The following ADAMTSL1 variants were observed in gnomAD, a reference collection of about 807,000 sequenced individuals.
ADAMTSL1 encodes the protein ADAMTS like 1.
ADAMTSL1 carries 126 observed loss-of-function variants against 201.8 expected under a neutral mutation model. The observed-to-expected ratio is 0.62, with a 90% confidence interval of 0.54 to 0.72. The LOEUF is 0.72. Ranked by LOEUF, ADAMTSL1 falls within the 30% of genes least tolerant of loss-of-function variation. The probability of loss-of-function intolerance (pLI) is 0.00; values close to 1 mark genes in which losing one functional copy is unlikely to be tolerated. For missense variants in ADAMTSL1, 2,679 were observed against 2,277.8 expected, an observed-to-expected ratio of 1.18 and a Z score of -3.59; for synonymous variants, 1,121 against 903.4, an observed-to-expected ratio of 1.24 and a Z score of -4.32.
intron 3 of ADAMTSL1, among the ~76,000 whole-genome samples, chr9:18,553,400 G>C (rs989996034): frequency 6.6e-6 from 1 of 151,408 alleles, no homozygotes; most frequent in Non-Finnish European, 1.5e-5. Context: ...AACCCCCTCA[G>C]ATTTATGTGC....
At chr9:18,354,927 T>C (rs1269911036) in intron 2 of ADAMTSL1, among the ~76,000 whole-genome samples, 2 of 152,150 alleles carry the variant, frequency 1.3e-5, no homozygotes, top group South Asian at 2.1e-4. Context: ...GCCAAGATTG[T>C]GCCAATGCAC....
At chr9:18,205,673 A>T (rs1280668542) in intron 2 of ADAMTSL1, among the ~76,000 whole-genome samples, 1 of 152,074 alleles carries the variant, frequency 6.6e-6, no homozygotes, top group Non-Finnish European at 1.5e-5. Flanking sequence ...CTGTGAATTC[A>T]TTCATATTTC....
intron 1 of ADAMTSL1, among the ~76,000 whole-genome samples, chr9:17,919,988 T>G (rs1826242940): frequency 6.6e-6 from 1 of 152,146 alleles, no homozygotes; most frequent in Non-Finnish European, 1.5e-5. Context: ...CACTTATTAG[T>G]ATCTGACCTT....
intron 20 of ADAMTSL1, among the ~76,000 whole-genome samples, chr9:18,806,193 C>A (rs1031335668): frequency 6.6e-6 from 1 of 152,198 alleles, no homozygotes; most frequent in Non-Finnish European, 1.5e-5. Flanking sequence ...TACAGAAAAA[C>A]AAACCTATAA....
intron 5 of ADAMTSL1, among the ~76,000 whole-genome samples, chr9:18,628,666 A>G (rs1466008417): frequency 6.6e-6 from 1 of 152,110 alleles, no homozygotes; most frequent in Non-Finnish European, 1.5e-5. Flanking sequence ...TGGAGGGGGT[A>G]GGAATTGACA....
At chr9:17,984,881 C>T (rs904695318) in intron 1 of ADAMTSL1, among the ~76,000 whole-genome samples, 3 of 152,088 alleles carry the variant, frequency 2.0e-5, no homozygotes, top group African/African-American at 7.2e-5. Flanking sequence ...ACCCCCTCTA[C>T]CTTTGTAATT....
intron 1 of ADAMTSL1, among the ~76,000 whole-genome samples, chr9:18,064,606 T>C (rs534745551): frequency 6.6e-6 from 1 of 152,290 alleles, no homozygotes; most frequent in South Asian, 2.1e-4. Context: ...TTATATGCCC[T>C]ATAACATAAA....
chr9:18,842,581 C>T (rs918626792), intron 23 of ADAMTSL1, among the ~76,000 whole-genome samples: 4 of 152,242 alleles, frequency 2.6e-5, no homozygotes, highest in South Asian at 4.1e-4. Context: ...GAGTTCAATT[C>T]CTGGGTATCC....
At chr9:17,992,767 G>A (rs1431109346) in intron 1 of ADAMTSL1, among the ~76,000 whole-genome samples, 1 of 152,128 alleles carries the variant, frequency 6.6e-6, no homozygotes, top group African/African-American at 2.4e-5. Context: ...TTGGAAGTAG[G>A]TGCTATTACC....
intron 2 of ADAMTSL1, among the ~76,000 whole-genome samples, chr9:18,526,217 G>A (rs1819034674): frequency 6.6e-6 from 1 of 152,096 alleles, no homozygotes; most frequent in African/African-American, 2.4e-5. Flanking sequence ...TGTCTCTTTT[G>A]ATCTTTGTTG....
intron 1 of ADAMTSL1, among the ~76,000 whole-genome samples, chr9:18,495,567 G>T (rs113647407): frequency 4.3e-4 from 66 of 152,282 alleles, no homozygotes; most frequent in East Asian, 1.5e-3. Flanking sequence ...TCCCAAAACT[G>T]CAAAATTTGC....
intron 2 of ADAMTSL1, among the ~76,000 whole-genome samples, chr9:18,192,426 A>G (rs1450680677): frequency 2.6e-5 from 4 of 152,182 alleles, no homozygotes; most frequent in Admixed American, 2.6e-4. Flanking sequence ...CAAATGTAAC[A>G]CAACTTGAGC....
upstream of ADAMTSL1, among the ~76,000 whole-genome samples, chr9:18,472,189 CAG>C (rs1821241740): frequency 1.3e-5 from 2 of 152,238 alleles, no homozygotes; most frequent in African/African-American, 4.8e-5. Flanking sequence ...TGGTGTGTAA[CAG>C]AGAGACACAT....
chr9:18,316,780 C>T (rs1289212760), intron 2 of ADAMTSL1, among the ~76,000 whole-genome samples: 1 of 152,144 alleles, frequency 6.6e-6, no homozygotes, highest in East Asian at 1.9e-4. Context: ...TAGGAAATCA[C>T]AAGGGTATTG....
intron 16 of ADAMTSL1, among the ~76,000 whole-genome samples, chr9:18,758,736 AG>A (rs1819906427): frequency 6.6e-6 from 1 of 152,142 alleles, no homozygotes; most frequent in Non-Finnish European, 1.5e-5. Flanking sequence ...ACATCAGTAA[AG>A]ACCCTTTTAT....
chr9:18,058,381 G>T (rs1166120075), intron 1 of ADAMTSL1, among the ~76,000 whole-genome samples: 1 of 152,146 alleles, frequency 6.6e-6, no homozygotes, highest in Admixed American at 6.5e-5. Context: ...GGAAATCTTT[G>T]TTTAACATAT....
At chr9:18,035,612 A>G (rs1430469781) in intron 1 of ADAMTSL1, among the ~76,000 whole-genome samples, 1 of 151,804 alleles carries the variant, frequency 6.6e-6, no homozygotes, top group East Asian at 1.9e-4. Flanking sequence ...ATTGCAACCT[A>G]TTTTCCCTGG....
At chr9:18,727,066 T>C (rs1817937820) in intron 15 of ADAMTSL1, among the ~76,000 whole-genome samples, 1 of 152,246 alleles carries the variant, frequency 6.6e-6, no homozygotes, top group Non-Finnish European at 1.5e-5. Flanking sequence ...TATTTTATTA[T>C]ACACTAACAA....
intron 2 of ADAMTSL1, among the ~76,000 whole-genome samples, chr9:18,370,707 T>C (rs1263575245): frequency 6.6e-6 from 1 of 151,916 alleles, no homozygotes; most frequent in Non-Finnish European, 1.5e-5. Flanking sequence ...TTTTTTTTTT[T>C]TTAAGAAAGA....
Sources: gnomAD v4.1 joint callset for allele counts (sites outside exome capture counted in the v4.1 genomes callset) on GRCh38, gnomAD v4.1.1 for gene constraint, MANE v1.5 for transcripts, NCBI Gene and HGNC (gene_info 2026-07-23, HGNC 2026-07-21) for gene names.